Variants in MARCHF1 observed in about 807,000 individuals in gnomAD.
MARCHF1 encodes the protein E3 ubiquitin-protein ligase MARCHF1.
In MARCHF1, 40 loss-of-function variants were observed where a neutral mutation model predicts 54.2. The observed-to-expected ratio is 0.74, with a 90% CI of 0.57 to 0.96. The LOEUF (loss-of-function observed/expected upper bound fraction) is 0.96, where lower values mean the gene tolerates loss of function less well. MARCHF1 is among the 40% of genes least tolerant of loss of function. MARCHF1 has a pLI of 0.00. For synonymous variants in MARCHF1, 236 were observed against 236.3 expected (o/e 1.00, Z 0.01); for missense variants, 586 against 656.5 (o/e 0.89, Z 1.17).
At chr4:164,117,633 C>T (rs1363394351) in intron 1 of MARCHF1, among the ~76,000 whole-genome samples, 1 of 152,028 alleles carries the variant, frequency 6.6e-6, no homozygotes, top group African/African-American at 2.4e-5. Flanking sequence ...GGCACGGTGG[C>T]TCACATCTGT....
At chr4:163,540,354 C>T (rs183542427) in intron 9 of MARCHF1, among the ~76,000 whole-genome samples, 2 of 152,190 alleles carry the variant, frequency 1.3e-5, no homozygotes, top group East Asian at 1.9e-4. Flanking sequence ...TGCAGAACTA[C>T]GAAGTGTGTG....
intron 1 of MARCHF1, among the ~76,000 whole-genome samples, chr4:164,360,357 A>C (rs1292460069): frequency 6.6e-6 from 1 of 152,148 alleles, no homozygotes; most frequent in Non-Finnish European, 1.5e-5. Flanking sequence ...TCTCCAAAAA[A>C]TCCATAACAG....
chr4:164,015,196 G>A (rs1028457299), intron 2 of MARCHF1, among the ~76,000 whole-genome samples: 5 of 152,092 alleles, frequency 3.3e-5, no homozygotes, highest in African/African-American at 1.2e-4. Context: ...AAGGACATAC[G>A]ATGGGTAAAG....
rs75280758 is a variant in MARCHF1 at position 163,599,660 on chromosome 4, C to T, written c.1010+12611G>A. 5.2e-3 allele frequency among the ~76,000 whole-genome samples: 788 copies of T among 152,184 alleles called. 3 individuals carry two copies. Among genetic ancestry groups the T allele is most frequent in the African/African-American group, 0.018 (745 of 41,522 alleles). On this transcript the variant is annotated intron_variant, in intron 7 of 9. Transcript: ENST00000514618. ...CTGTATTCTCTACTTCAGTGGTTTC[C>T]AAACTTTACCATGCATCAGACTCGC...
chr4:163,995,844 C>T (rs1445601509), intron 2 of MARCHF1, among the ~76,000 whole-genome samples: 3 of 151,822 alleles, frequency 2.0e-5, no homozygotes, highest in African/African-American at 4.8e-5. Context: ...ATCCAGAGAC[C>T]CCTGTTCTTT....
intron 2 of MARCHF1, among the ~76,000 whole-genome samples, chr4:164,005,797 G>C (rs1229367785): frequency 6.6e-6 from 1 of 152,140 alleles, no homozygotes; most frequent in Non-Finnish European, 1.5e-5. Context: ...CACATTGTAG[G>C]AGTTCCATTT....
intron 3 of MARCHF1, among the ~76,000 whole-genome samples, chr4:163,898,645 A>C (rs1193306739): frequency 6.6e-6 from 1 of 152,178 alleles, no homozygotes; most frequent in Non-Finnish European, 1.5e-5. Context: ...AAGAACTAAA[A>C]CTAGAAATAT....
intron 3 of MARCHF1, among the ~76,000 whole-genome samples, chr4:163,942,590 A>G (rs1425542252): frequency 6.6e-6 from 1 of 152,180 alleles, no homozygotes; most frequent in Non-Finnish European, 1.5e-5. Flanking sequence ...CCTAATTTCC[A>G]TATATAATGT....
intron 2 of MARCHF1, among the ~76,000 whole-genome samples, chr4:164,024,478 C>T (rs1277585774): frequency 3.3e-5 from 5 of 152,226 alleles, no homozygotes; most frequent in Admixed American, 3.3e-4. Context: ...AATTTCATAT[C>T]CTGCCAAACT....
intron 4 of MARCHF1, among the ~76,000 whole-genome samples, chr4:163,825,459 A>G (rs1208615402): frequency 6.6e-6 from 1 of 152,056 alleles, no homozygotes; most frequent in Non-Finnish European, 1.5e-5. Context: ...TTATATACCC[A>G]GTAATGAGAT....
chr4:164,013,489 A>C (rs1284676870), intron 2 of MARCHF1, among the ~76,000 whole-genome samples: 2 of 152,200 alleles, frequency 1.3e-5, no homozygotes, highest in African/African-American at 4.8e-5. Context: ...AAATAATAAC[A>C]GAAAATCTTC....
At chr4:164,289,838 A>G (rs1285566603) in intron 1 of MARCHF1, among the ~76,000 whole-genome samples, 3 of 152,134 alleles carry the variant, frequency 2.0e-5, no homozygotes, top group South Asian at 4.1e-4. Context: ...AGATCAAAAT[A>G]TTCAGCTCTT....
intron 8 of MARCHF1, among the ~76,000 whole-genome samples, chr4:163,571,084 T>G (rs1320528117): frequency 6.6e-6 from 1 of 152,154 alleles, no homozygotes; most frequent in East Asian, 1.9e-4. Context: ...CTTTTTATCT[T>G]AATTTTCTTC....
At chr4:164,203,754 C>T (rs539253992) in intron 1 of MARCHF1, among the ~76,000 whole-genome samples, 2 of 152,150 alleles carry the variant, frequency 1.3e-5, no homozygotes, top group Non-Finnish European at 2.9e-5. Context: ...ATTTGCCTGA[C>T]CTTCAATCTG....
rs1405102209 is a variant in MARCHF1 at position 164,007,411 on chromosome 4, A to G, written c.-247-18702T>C. 3.3e-5 allele frequency among the ~76,000 whole-genome samples: 5 copies of G among 151,488 alleles called. 1 individual carries two copies. The East Asian group carries it at 9.7e-4, about 29-fold the overall frequency. On this transcript the variant is annotated intron_variant, in intron 2 of 9. Transcript: ENST00000514618. Reference sequence around the variant, plus strand: ...GCAAACTTTTCAAGGTATAAAATCCACAGGTAAAATTAAGCACTCAGACAA... The same window carrying G: ...GCAAACTTTTCAAGGTATAAAATCCGCAGGTAAAATTAAGCACTCAGACAA...
At chr4:163,701,515 A>G (rs977424928) in intron 4 of MARCHF1, among the ~76,000 whole-genome samples, 9 of 152,188 alleles carry the variant, frequency 5.9e-5, no homozygotes, top group Non-Finnish European at 8.8e-5. Flanking sequence ...AATGTTTTTT[A>G]AAAGGTCATA....
Position 163,881,181 on chromosome 4 carries a change from A to G in MARCHF1, c.-38-27012T>C, listed in dbSNP as rs56199172. Among the ~76,000 whole-genome samples, 1,209 of 152,316 alleles carry G rather than the reference A, an allele frequency of 7.9e-3. 18 individuals are homozygous for G. The highest frequency in any genetic ancestry group is 0.028 in the African/African-American group (1,174 of 41,570). On this transcript the variant is annotated intron_variant, in intron 3 of 9. Transcript: ENST00000514618. The stretch of plus-strand genomic sequence containing the variant: ...CACATTGTCAAGTACAGAGAATAAA[A>G]TTATCCAACAAGGCCGGGCATGGTG...
At chr4:164,064,135 G>A (rs1469631243) in intron 2 of MARCHF1, among the ~76,000 whole-genome samples, 1 of 152,158 alleles carries the variant, frequency 6.6e-6, no homozygotes, top group Non-Finnish European at 1.5e-5. Context: ...GATTGTCTTG[G>A]CTATTCAGGC....
At chr4:164,189,796 A>G in intron 1 of MARCHF1, 2 of 1,568,462 alleles carry the variant, frequency 1.3e-6, no homozygotes, top group Non-Finnish European at 8.8e-7. Context: ...CTGACAAAAG[A>G]CATTCATCTT....
Sources: allele counts gnomAD v4.1 joint callset (sites outside exome capture counted in the v4.1 genomes callset), GRCh38; gene constraint gnomAD v4.1.1; transcripts MANE v1.5; gene names NCBI Gene and HGNC (gene_info 2026-07-23, HGNC 2026-07-21).